Variants in PCDHGB2 observed in about 807,000 individuals in gnomAD.
PCDHGB2 encodes the protein protocadherin gamma subfamily B, 2, also known as protocadherin gamma-B2.
A neutral mutation model predicts 59.3 loss-of-function variants in PCDHGB2; 55 were observed. That is an observed-to-expected ratio of 0.93 (90% CI 0.75 to 1.16). The LOEUF is 1.16. PCDHGB2 is among the 50% of genes most tolerant of loss of function. PCDHGB2 has a pLI of 0.00. For synonymous variants in PCDHGB2, 516 were observed against 512.0 expected (o/e 1.01, Z -0.11); for missense variants, 1,228 against 1,198.5 (o/e 1.02, Z -0.36).
chr5:141,387,570 A>G, intron 1 of PCDHGB2: 1 of 455,170 alleles, frequency 2.2e-6, no homozygotes, highest in South Asian at 4.2e-5. Flanking sequence ...CACAATTATA[A>G]TTATTGCACT....
intron 2 of PCDHGB2, among the ~76,000 whole-genome samples, chr5:141,500,844 T>C (rs190011905): frequency 6.6e-6 from 1 of 152,204 alleles, no homozygotes; most frequent in Non-Finnish European, 1.5e-5. Flanking sequence ...AATGGGCTTT[T>C]GCTACATTAG....
At position 141,365,518 on chromosome 5, in the gene PCDHGB2, G is replaced by T. The variant is rs1763970946; in HGVS notation, c.2421+2962G>T. 5 of 1,613,870 alleles carry T rather than the reference G, an allele frequency of 3.1e-6. No individual in the cohort carries two copies. The Middle Eastern group carries it at 4.9e-4, about 160-fold the overall frequency. On this transcript the variant is annotated intron_variant, in intron 1 of 3. Transcript: ENST00000522605. The stretch of plus-strand genomic sequence containing the variant: ...GGAATTTGCCTTTTAAATTGGAGAA[G>T]TCAGTTGATAATTACTATCACCTAT...
intron 1 of PCDHGB2, chr5:141,409,169 G>A (rs371896881): frequency 3.5e-5 from 56 of 1,613,906 alleles, no homozygotes; most frequent in Non-Finnish European, 4.2e-5. Flanking sequence ...GGAAGCGAAG[G>A]ACGGAGGTGG....
At chr5:141,446,461 A>G (rs1273508266) in intron 1 of PCDHGB2, among the ~76,000 whole-genome samples, 1 of 151,298 alleles carries the variant, frequency 6.6e-6, no homozygotes, top group Non-Finnish European at 1.5e-5. Flanking sequence ...TCAGTGTGTG[A>G]TTAGACATAT....
At position 141,409,103 on chromosome 5, in the gene PCDHGB2, A is replaced by G. The variant is rs750657192; in HGVS notation, c.2421+46547A>G. The G allele has an allele frequency of 6.8e-6, 11 of 1,613,926 alleles. No individual in the cohort carries two copies. Among genetic ancestry groups the G allele is most frequent in the Non-Finnish European group, 9.3e-6 (11 of 1,179,900 alleles). On this transcript the variant is annotated intron_variant, in intron 1 of 3. Coordinates refer to ENST00000522605, the MANE Select transcript of PCDHGB2 (RefSeq NM_018923.3). ...CTCATTGGATGAGAAAACAGGTATG[A>G]TTAAGAATAACCAGTCATTTGATTT...
intron 1 of PCDHGB2, chr5:141,400,506 G>A (rs771674964): frequency 3.7e-6 from 6 of 1,613,830 alleles, no homozygotes; most frequent in Non-Finnish European, 5.1e-6. Context: ...CCAGCGAGTC[G>A]ACTTCCCATC....
At chr5:141,497,969 C>T (rs1595499086) in intron 2 of PCDHGB2, among the ~76,000 whole-genome samples, 1 of 152,160 alleles carries the variant, frequency 6.6e-6, no homozygotes. Flanking sequence ...GCAGTGTTCT[C>T]GATGTGGGAG....
chr5:141,362,452 G>T lies in PCDHGB2; in HGVS notation c.2317G>T (p.Glu773Ter), dbSNP rs751763325. Residue 773 changes from glutamate (E) to a stop codon, truncating the protein, a stop_gained, in exon 1 of 4, where the codon GAA becomes TAA. Coordinates refer to ENST00000522605, the MANE Select transcript of PCDHGB2 (RefSeq NM_018923.3). LOFTEE classifies it high-confidence loss of function. The stretch of plus-strand genomic sequence containing the variant: ...GTTCAATTTTCTGAACATAACCCCG[G>T]AATTGGTTCCCGCGCAAGATCTCGT... ...TEFNFLNITP[E>*]LVPAQDLVCD... The T allele has an allele frequency of 6.2e-7, 1 of 1,614,012 alleles. No homozygotes were observed. Among genetic ancestry groups the T allele is most frequent in the Non-Finnish European group, 8.5e-7 (1 of 1,179,894 alleles).
In PCDHGB2 at chr5:141,360,478, A is replaced by G; in HGVS notation, c.343A>G (p.Asn115Asp). Residue 115 changes from asparagine to aspartate, a missense_variant, in exon 1 of 4, where the codon AAT becomes GAT. Coordinates refer to ENST00000522605, the MANE Select transcript of PCDHGB2 (RefSeq NM_018923.3). ...CGATACTGTCGCTGAAAATCCACTA[A>G]ATATTTTCTACATAGCAGTAATTGT... ...DFDTVAENPLNIFYIAVIVQD... is the reference protein window; with the variant it reads ...DFDTVAENPLDIFYIAVIVQD... 1 of 1,613,910 alleles carries G rather than the reference A, an allele frequency of 6.2e-7. No individual in the cohort carries two copies. The highest frequency in any genetic ancestry group is 8.5e-7 in the Non-Finnish European group (1 of 1,179,848).
intron 1 of PCDHGB2, chr5:141,365,528 A>G: frequency 1.2e-6 from 2 of 1,613,854 alleles, no homozygotes; most frequent in Non-Finnish European, 1.7e-6. Flanking sequence ...GTCAGTTGAT[A>G]ATTACTATCA....
chr5:141,393,460 A>ATGGC (rs754334472), intron 1 of PCDHGB2: 1 of 1,614,052 alleles, frequency 6.2e-7, no homozygotes, highest in South Asian at 1.1e-5. Flanking sequence ...ACGGCCTCGG[A>ATGGC]TGGCGGCAAG....
intron 1 of PCDHGB2, among the ~76,000 whole-genome samples, chr5:141,445,784 G>A (rs2098477494): frequency 6.6e-6 from 1 of 152,168 alleles, no homozygotes; most frequent in Non-Finnish European, 1.5e-5. Flanking sequence ...GGGCTAGGGA[G>A]GCTAGAAACA....
chr5:141,497,495 T>C (rs193075970), intron 2 of PCDHGB2, among the ~76,000 whole-genome samples: 28 of 151,186 alleles, frequency 1.9e-4, no homozygotes, highest in Admixed American at 1.7e-3. Context: ...TCTCTCTCTC[T>C]CCTCTCTCTG....
At chr5:141,415,818 A>C in intron 1 of PCDHGB2, 11 of 1,325,038 alleles carry the variant, frequency 8.3e-6, no homozygotes, top group Non-Finnish European at 8.7e-6. Flanking sequence ...CCTATATATC[A>C]TAAGGCTTTG....
At chr5:141,423,357 C>G in intron 1 of PCDHGB2, 1 of 1,614,214 alleles carries the variant, frequency 6.2e-7, no homozygotes. Context: ...TCTTTGTCAT[C>G]GTGCTGCTGG....
At chr5:141,375,616 T>A (rs745318336) in intron 1 of PCDHGB2, 5 of 1,614,200 alleles carry the variant, frequency 3.1e-6, no homozygotes, top group Admixed American at 1.7e-5. Flanking sequence ...ACTCCGACAC[T>A]GGGATTCTGT....
At position 141,375,341 on chromosome 5, in the gene PCDHGB2, A is replaced by G; in HGVS notation, c.2421+12785A>G. ...CCGGGAAGAGGTATTCTTGTACAACATCACTGTGACAGCCACGGACAAAGG... is the reference window on the plus strand; with the variant it reads ...CCGGGAAGAGGTATTCTTGTACAACGTCACTGTGACAGCCACGGACAAAGG... On this transcript the variant is annotated intron_variant, in intron 1 of 3. Transcript: ENST00000522605. 3 of 1,613,856 alleles carry G rather than the reference A, an allele frequency of 1.9e-6. No homozygotes were observed. The highest frequency in any genetic ancestry group is 1.6e-4 in the Middle Eastern group (1 of 6,062).
At chr5:141,457,280 A>T (rs964027392) in intron 1 of PCDHGB2, among the ~76,000 whole-genome samples, 1 of 152,196 alleles carries the variant, frequency 6.6e-6, no homozygotes, top group Non-Finnish European at 1.5e-5. Flanking sequence ...TGGGCCTACG[A>T]AGTTCCTTGG....
intron 1 of PCDHGB2, among the ~76,000 whole-genome samples, chr5:141,438,579 CATACATACATACATATATATAT>C (rs1356926315): frequency 3.6e-5 from 2 of 55,782 alleles, no homozygotes; most frequent in Non-Finnish European, 6.0e-5. Context: ...GATATACATA[CATACATACATACATATATATAT>C]ATATATATAT....
Sources: gnomAD v4.1 joint callset for allele counts (sites outside exome capture counted in the v4.1 genomes callset) on GRCh38, gnomAD v4.1.1 for gene constraint, MANE v1.5 for transcripts, NCBI Gene and HGNC (gene_info 2026-07-23, HGNC 2026-07-21) for gene names.